Variants in PLCD3 observed in about 807,000 individuals in gnomAD.
PLCD3 encodes the protein 1-phosphatidylinositol 4,5-bisphosphate phosphodiesterase delta-3.
A neutral mutation model predicts 82.8 loss-of-function variants in PLCD3; 62 were observed. The observed-to-expected ratio is 0.75, with a 90% CI of 0.61 to 0.93. The LOEUF is 0.93. Among genes scored for constraint, PLCD3 ranks in the 40% least tolerant of loss-of-function variants. The probability of loss-of-function intolerance (pLI) is 0.00; values close to 1 mark genes in which losing one functional copy is unlikely to be tolerated. For synonymous variants in PLCD3, 478 were observed against 471.8 expected, an observed-to-expected ratio of 1.01 and a Z score of -0.17; for missense variants, 1,023 against 1,103.4, an observed-to-expected ratio of 0.93 and a Z score of 1.03.
rs1360868205 is a variant in PLCD3 at position 45,120,621 on chromosome 17, G to C, written c.555-167C>G. On this transcript the variant is annotated intron_variant, in intron 3 of 14. Coordinates refer to ENST00000619929, the MANE Select transcript of PLCD3 (RefSeq NM_133373.5). ...GCACGGTAGCAGTGTCTCCTCCGCA[G>C]GACTGGGGCTTACCAAAGACAGGAG... 3.9e-5 allele frequency among the ~76,000 whole-genome samples: 6 copies of C among 152,322 alleles called. No homozygotes were observed. In the East Asian group the frequency reaches 1.2e-3, roughly 29 times the overall value.
chr17:45,121,279 C>G lies in PLCD3; in HGVS notation c.257G>C (p.Arg86Pro), dbSNP rs542333396. 5.0e-6 allele frequency: 8 copies of G among 1,587,948 alleles called. No individual in the cohort carries two copies. In the African/African-American group the frequency reaches 6.7e-5, roughly 13 times the overall value. ...SRTWHKERLY[R>P]LQEDGLSVWF... ...CACGCTCAGGCCGTCCTCCTGCAGC[C>G]GGTACAGCCGCTCCTTGTGCCACGT... The change falls in exon 2 of 15, where the codon CGG becomes CCG. Residue 86 changes from arginine to proline, a missense_variant. Transcript: ENST00000619929.
chr17:45,123,257 C>G (rs755882327), intron 1 of PLCD3, among the ~76,000 whole-genome samples: 4 of 152,168 alleles, frequency 2.6e-5, no homozygotes, highest in Admixed American at 6.5e-5. Context: ...CCTTGAAGGA[C>G]CAGTTCAGAT....
At chr17:45,115,064 C>T (rs1483680164) in intron 10 of PLCD3, 30 bp downstream of exon 10, 2 of 1,575,302 alleles carry the variant, frequency 1.3e-6, no homozygotes, top group Admixed American at 1.8e-5. Context: ...CACCCTCTCG[C>T]CCCCAGACAC....
intron 11 of PLCD3, 89 bp downstream of exon 11, chr17:45,114,161 G>A (rs979353868): frequency 2.3e-5 from 22 of 945,352 alleles, no homozygotes; most frequent in South Asian, 1.5e-4. Flanking sequence ...TGTTTCCACC[G>A]TCTGGAAGGC....
Position 45,121,202 on chromosome 17 carries a change from G to T in PLCD3, c.325+9C>A. On this transcript the variant is annotated intron_variant, in intron 2 of 14. Coordinates refer to ENST00000619929, the MANE Select transcript of PLCD3 (RefSeq NM_133373.5). The stretch of plus-strand genomic sequence containing the variant: ...CTCCCTGTCCGCCCGGCGCTCCCCG[G>T]CCTCTCACAGATGTGCTGCGATGGC... 6.4e-7 allele frequency: 1 copy of T among 1,569,896 alleles called. No homozygotes were observed. The highest frequency in any genetic ancestry group is 1.8e-5 in the Admixed American group (1 of 56,442).
chr17:45,129,770 G>T (rs978813728), intron 1 of PLCD3, among the ~76,000 whole-genome samples: 1 of 152,180 alleles, frequency 6.6e-6, no homozygotes, highest in Non-Finnish European at 1.5e-5. Flanking sequence ...GCCCAGGAGC[G>T]GGGGACTGGA....
At chr17:45,122,417 A>G (rs1206448599) in intron 1 of PLCD3, among the ~76,000 whole-genome samples, 16 of 152,226 alleles carry the variant, frequency 1.1e-4, no homozygotes, top group Admixed American at 1.0e-3. Context: ...ACTGAGGCTC[A>G]GGGAAGCTTA....
chr17:45,118,811 C>G lies in PLCD3; in HGVS notation c.913+4G>C, dbSNP rs572886978. 177 of 1,598,398 alleles carry G rather than the reference C, an allele frequency of 1.1e-4. 1 individual carries two copies. The highest frequency in any genetic ancestry group is 6.0e-4 in the South Asian group (54 of 90,612). On this transcript the variant is annotated splice_donor_region_variant and intron_variant, in intron 5 of 14. Transcript: ENST00000619929. The surrounding 1 kb of genome is among the most constrained non-coding windows in gnomAD (Gnocchi z 4.1). The stretch of plus-strand genomic sequence containing the variant: ...CCACGACCTGGCCGTGCCACCCCCC[C>G]CACCTGTCTCGTTGAGCTCATAGGT...
intron 1 of PLCD3, among the ~76,000 whole-genome samples, chr17:45,122,550 T>C (rs768183713): frequency 1.1e-4 from 17 of 152,176 alleles, no homozygotes; most frequent in Non-Finnish European, 1.5e-4. Context: ...TTCCGAAGTC[T>C]GGGGAGTAAG....
Position 45,111,913 on chromosome 17 carries a change from C to T in PLCD3, c.*703G>A, listed in dbSNP as rs2054245911. 6.6e-6 allele frequency: 1 copy of T among 152,284 alleles called. No individual in the cohort carries two copies. The highest frequency in any genetic ancestry group is 1.9e-4 in the East Asian group (1 of 5,196). The allele number at this position is 152,284 out of a possible 1,614,324, so 9.4% of individuals were successfully genotyped here. ...ATTAGCCAGGTTTGGTGGCCTGTGC[C>T]TGTAGTCCCAGCTACTCAGGAGGCT... On this transcript the variant is annotated 3_prime_UTR_variant, in exon 15 of 15. Coordinates refer to ENST00000619929, the MANE Select transcript of PLCD3 (RefSeq NM_133373.5).
intron 1 of PLCD3, among the ~76,000 whole-genome samples, chr17:45,129,912 C>G (rs1342964752): frequency 1.3e-5 from 2 of 152,202 alleles, no homozygotes; most frequent in Non-Finnish European, 2.9e-5. Flanking sequence ...TGCCCTAGTC[C>G]CTTGACCTGA....
intron 13 of PLCD3, 33 bp from the exon 14 acceptor site, chr17:45,113,045 G>C (rs2143545478): frequency 6.2e-7 from 1 of 1,601,764 alleles, no homozygotes; most frequent in East Asian, 2.2e-5. Flanking sequence ...AGAGCCCAGG[G>C]GCCCCAGGAC....
intron 1 of PLCD3, among the ~76,000 whole-genome samples, chr17:45,123,551 A>AGAGGCCTCGCAGGG (rs2054357920): frequency 6.6e-6 from 1 of 151,984 alleles, no homozygotes; most frequent in Non-Finnish European, 1.5e-5. Flanking sequence ...AGAGTTCAGG[A>AGAGGCCTCGCAGGG]CAGAGGCCTC....
intron 4 of PLCD3, 136 bp from the exon 5 acceptor site, chr17:45,119,179 G>A (rs4362432): frequency 0.089 from 59,652 of 671,136 alleles, 3,284 homozygotes; most frequent in East Asian, 0.24. Flanking sequence ...TAAGACTTGT[G>A]ACTCTAGCTC....
At chr17:45,128,403 T>C in intron 1 of PLCD3, among the ~76,000 whole-genome samples, 1 of 152,180 alleles carries the variant, frequency 6.6e-6, no homozygotes, top group Non-Finnish European at 1.5e-5. Flanking sequence ...CCACCTGGCA[T>C]GCCCCTGCTT....
chr17:45,115,988 A>G (rs1169263055), intron 8 of PLCD3, among the ~76,000 whole-genome samples: 1 of 152,208 alleles, frequency 6.6e-6, no homozygotes, highest in Non-Finnish European at 1.5e-5. Flanking sequence ...CCCTTAGTAC[A>G]GCTCAGTTTT....
intron 4 of PLCD3, 107 bp downstream of exon 4, chr17:45,120,218 A>AG (rs2054324974): frequency 6.8e-7 from 1 of 1,469,010 alleles, no homozygotes; most frequent in African/African-American, 1.4e-5. Context: ...GCTCCAAAAA[A>AG]GCTGCAGGTG....
At chr17:45,115,286 C>T in intron 9 of PLCD3, 42 bp from the exon 10 acceptor site, 1 of 1,530,306 alleles carries the variant, frequency 6.5e-7, no homozygotes, top group Admixed American at 2.0e-5. Flanking sequence ...GCCCCCGCTT[C>T]CCACATCCGT....
chr17:45,113,531 C>T lies in PLCD3; in HGVS notation c.1903G>A (p.Gly635Ser). The change falls in exon 12 of 15, where the codon GGC becomes AGC. Residue 635 changes from glycine (G) to serine (S), a missense_variant. Gly to Ser is a moderately conservative substitution (Grantham distance 56). Around this residue, in one of 3 missense-constraint regions of PLCD3, gnomAD observed 553 missense variants for 655.7 expected, o/e 0.84. Coordinates refer to ENST00000619929, the MANE Select transcript of PLCD3 (RefSeq NM_133373.5). Reference protein sequence around the residue: ...AGRFLVNGQCGYVLKPACLRQ... With the variant: ...AGRFLVNGQCSYVLKPACLRQ... ...AGGCAGGCAGGTTTTAGGACGTAGCCACACTGCCCATTGACTAGGAAGCGC... is the reference window on the plus strand; with the variant it reads ...AGGCAGGCAGGTTTTAGGACGTAGCTACACTGCCCATTGACTAGGAAGCGC... 6.4e-7 allele frequency: 1 copy of T among 1,571,966 alleles called. No individual in the cohort carries two copies. The highest frequency in any genetic ancestry group is 8.6e-7 in the Non-Finnish European group (1 of 1,158,928).
Sources: allele counts gnomAD v4.1 joint callset (sites outside exome capture counted in the v4.1 genomes callset), GRCh38; gene constraint gnomAD v4.1.1; regional missense constraint gnomAD v4.1.1; non-coding constraint Gnocchi (gnomAD v3.1); transcripts MANE v1.5; gene names NCBI Gene and HGNC (gene_info 2026-07-23, HGNC 2026-07-21).